Variants in MAPK10 observed in about 807,000 individuals in gnomAD.
The protein encoded by MAPK10 is mitogen-activated protein kinase 10.
Under a neutral mutation model 59.3 loss-of-function variants are expected in MAPK10, and 25 were observed. That is an observed-to-expected ratio of 0.42 (90% CI 0.31 to 0.59). MAPK10 has a LOEUF of 0.59. Ranked by LOEUF, MAPK10 falls within the 20% of genes least tolerant of loss-of-function variation. The probability of loss-of-function intolerance (pLI) is 0.15; values close to 1 mark genes in which losing one functional copy is unlikely to be tolerated. For synonymous variants in MAPK10, 190 were observed against 200.5 expected (o/e 0.95, Z 0.44); for missense variants, 351 against 568.9 (o/e 0.62, Z 3.90).
Position 86,158,544 on chromosome 4 carries a change from CATGCCCTGAATTTTT to C in MAPK10, c.236+739_236+753del, listed in dbSNP as rs569525832. Among the ~76,000 whole-genome samples the C allele has an allele frequency of 2.8e-4, 42 of 151,718 alleles. No individual in the cohort carries two copies. The East Asian group carries it at 7.3e-3, about 27-fold the overall frequency. On this transcript the variant is annotated intron_variant, in intron 4 of 13. Transcript: ENST00000641462. ...TATATAAATATACATATTCAGGGTA[CATGCCCTGAATTTTT>C]ACTTATCTGTGTGAGCCATCAGAAA... is the stretch of plus-strand genomic sequence containing the variant.
At chr4:86,244,250 G>A (rs371068241) in intron 2 of MAPK10, among the ~76,000 whole-genome samples, 6 of 151,900 alleles carry the variant, frequency 3.9e-5, no homozygotes, top group Admixed American at 1.3e-4. Flanking sequence ...AGGCACTTAC[G>A]AAAACACTCA....
chr4:86,469,440 G>A (rs1345148042), intron 1 of MAPK10, among the ~76,000 whole-genome samples: 2 of 152,126 alleles, frequency 1.3e-5, no homozygotes, highest in Non-Finnish European at 2.9e-5. Flanking sequence ...AAGAGTATTG[G>A]GCAGGTTGTT....
chr4:86,558,404 T>A (rs1298776344), intron 1 of MAPK10, among the ~76,000 whole-genome samples: 1 of 152,160 alleles, frequency 6.6e-6, no homozygotes, highest in Non-Finnish European at 1.5e-5. Flanking sequence ...TAATTAATTC[T>A]CACCACACCC....
intron 1 of MAPK10, among the ~76,000 whole-genome samples, chr4:86,574,240 A>C (rs552913184): frequency 2.3e-4 from 35 of 151,736 alleles, no homozygotes; most frequent in Non-Finnish European, 4.4e-4. Context: ...TGAACTCATC[A>C]TTTTTTATGG....
In MAPK10 at chr4:86,311,355, C is replaced by T. The variant is rs140181413; in HGVS notation, c.-7+43175G>A. ...CTTTTATGATTCTCAGTTTTTCCAT[C>T]ATGACTATATAAACTCTTTTAATGG... On this transcript the variant is annotated intron_variant, in intron 2 of 13. Coordinates refer to ENST00000641462, the MANE Select transcript of MAPK10 (RefSeq NM_138982.4). Among the ~76,000 whole-genome samples, 506 of 152,136 alleles carry T rather than the reference C, an allele frequency of 3.3e-3. 2 individuals are homozygous for T. The highest frequency in any genetic ancestry group is 0.012 in the African/African-American group (485 of 41,502).
chr4:86,334,742 TCA>T (rs1350063449), intron 2 of MAPK10, among the ~76,000 whole-genome samples: 1 of 84,000 alleles, frequency 1.2e-5, no homozygotes, highest in Non-Finnish European at 2.6e-5. Context: ...TACCCTATGC[TCA>T]TTAAAAAAAC....
intron 2 of MAPK10, among the ~76,000 whole-genome samples, chr4:86,231,870 A>G (rs551209574): frequency 6.6e-6 from 1 of 152,316 alleles, no homozygotes; most frequent in South Asian, 2.1e-4. Context: ...GCAACAGTAG[A>G]GCATTAAGCC....
intron 2 of MAPK10, among the ~76,000 whole-genome samples, chr4:86,198,619 A>C (rs1242165943): frequency 6.6e-6 from 1 of 152,054 alleles, no homozygotes; most frequent in Non-Finnish European, 1.5e-5. Flanking sequence ...AAATTTCAGG[A>C]AAGGCCAAAC....
chr4:86,459,304 T>G (rs919594968), intron 1 of MAPK10, among the ~76,000 whole-genome samples: 1 of 152,154 alleles, frequency 6.6e-6, no homozygotes, highest in Non-Finnish European at 1.5e-5. Flanking sequence ...ACGCTGCTGG[T>G]GGGAACATAA....
At chr4:86,573,497 G>A (rs756461400) in intron 1 of MAPK10, among the ~76,000 whole-genome samples, 1 of 152,074 alleles carries the variant, frequency 6.6e-6, no homozygotes, top group Non-Finnish European at 1.5e-5. Context: ...GAATACTGCA[G>A]CTGAATAAGT....
intron 1 of MAPK10, among the ~76,000 whole-genome samples, chr4:86,524,070 C>G (rs964119625): frequency 6.6e-6 from 1 of 152,122 alleles, no homozygotes; most frequent in East Asian, 1.9e-4. Context: ...CTTTTCCCAC[C>G]CTTTCTCTTG....
intron 2 of MAPK10, among the ~76,000 whole-genome samples, chr4:86,205,904 T>A (rs1235963408): frequency 6.6e-6 from 1 of 151,994 alleles, no homozygotes; most frequent in Non-Finnish European, 1.5e-5. Context: ...CCCTCTCAGA[T>A]TTAATAAAAT....
chr4:86,481,287 C>T (rs975525542), intron 1 of MAPK10, among the ~76,000 whole-genome samples: 1 of 152,086 alleles, frequency 6.6e-6, no homozygotes, highest in Non-Finnish European at 1.5e-5. Flanking sequence ...AGGAGAAAAT[C>T]AGAGAGACCT....
rs1384266052 is a variant in MAPK10 at position 86,013,872 on chromosome 4, G to A, written c.*3356C>T. ...GTCATCAGATTCTTGAAGATGAAAG[G>A]TTATTATCAGTTTTTATTCCACAAG... is the stretch of plus-strand genomic sequence containing the variant. On this transcript the variant is annotated 3_prime_UTR_variant, in exon 14 of 14. Coordinates refer to ENST00000641462, the MANE Select transcript of MAPK10 (RefSeq NM_138982.4). 6.6e-6 allele frequency: 1 copy of A among 152,180 alleles called. No individual in the cohort carries two copies. The allele number at this position is 152,180 out of a possible 1,614,324, so 9.4% of individuals were successfully genotyped here.
At chr4:86,537,407 A>G (rs1009694951) in intron 1 of MAPK10, among the ~76,000 whole-genome samples, 1 of 152,222 alleles carries the variant, frequency 6.6e-6, no homozygotes, top group East Asian at 1.9e-4. Flanking sequence ...TCACAGAGAA[A>G]GAACGGTGAT....
upstream of MAPK10, among the ~76,000 whole-genome samples, chr4:86,455,088 A>T (rs146923300): frequency 1.2e-3 from 190 of 152,330 alleles, 4 homozygotes; most frequent in African/African-American, 4.4e-3. Context: ...ATGCTAAGGG[A>T]ATTCGCCACT....
intron 1 of MAPK10, among the ~76,000 whole-genome samples, chr4:86,562,835 G>T (rs573345553): frequency 1.3e-5 from 2 of 152,334 alleles, no homozygotes; most frequent in East Asian, 3.9e-4. Context: ...ACTGCTGCCT[G>T]TGTTTAGAAT....
At position 86,287,199 on chromosome 4, in the gene MAPK10, G is replaced by T. The variant is rs543198673; in HGVS notation, c.-7+67331C>A. Among the ~76,000 whole-genome samples, 4 of 152,180 alleles carry T rather than the reference G, an allele frequency of 2.6e-5. No homozygotes were observed. The South Asian group carries it at 8.3e-4, about 32-fold the overall frequency. On this transcript the variant is annotated intron_variant, in intron 2 of 13. Transcript: ENST00000641462. ...CTACGATCATAGACCAATAAATCTA[G>T]CATTTTACCTTTATAAACAACCCAC...
chr4:86,343,795 G>A (rs1030824766), intron 2 of MAPK10, among the ~76,000 whole-genome samples: 2 of 152,160 alleles, frequency 1.3e-5, no homozygotes, highest in African/African-American at 4.8e-5. Context: ...GCTGCCTTCT[G>A]TTAAAGCAGT....
Sources: gnomAD v4.1 joint callset for allele counts (sites outside exome capture counted in the v4.1 genomes callset) on GRCh38, gnomAD v4.1.1 for gene constraint, MANE v1.5 for transcripts, NCBI Gene and HGNC (gene_info 2026-07-23, HGNC 2026-07-21) for gene names.